PAK5: variants seen among roughly 807,000 people sequenced by gnomAD.
PAK5 encodes p21 (RAC1) activated kinase 5, also known as serine/threonine-protein kinase PAK 5.
PAK5 carries 16 observed loss-of-function variants against 65.9 expected under a neutral mutation model. The observed-to-expected ratio is 0.24, with a 90% CI of 0.16 to 0.37. PAK5 has a LOEUF of 0.37. PAK5 is among the 10% of genes least tolerant of loss of function. The pLI is 1.00. For missense variants in PAK5, 785 were observed against 903.9 expected (o/e 0.87, Z 1.69); for synonymous variants, 371 against 354.9 (o/e 1.05, Z -0.51).
At chr20:9,579,310 A>T (rs544399664) in intron 4 of PAK5, among the ~76,000 whole-genome samples, 1 of 152,314 alleles carries the variant, frequency 6.6e-6, no homozygotes, top group Admixed American at 6.5e-5. Context: ...TAGCAAAAAC[A>T]TTTCTAAATG....
intron 3 of PAK5, among the ~76,000 whole-genome samples, chr20:9,606,282 GC>G (rs1405811241): frequency 6.6e-6 from 1 of 152,124 alleles, no homozygotes; most frequent in African/African-American, 2.4e-5. Context: ...CTCCACCTCT[GC>G]CTTCCCCGAT....
intron 1 of PAK5, among the ~76,000 whole-genome samples, chr20:9,787,788 A>C (rs1430634050): frequency 1.3e-5 from 2 of 152,128 alleles, no homozygotes; most frequent in Admixed American, 1.3e-4. Context: ...TGTTTCCCTC[A>C]TACAGGTGCA....
chr20:9,686,427 C>T (rs1007802128), intron 2 of PAK5, among the ~76,000 whole-genome samples: 1 of 152,126 alleles, frequency 6.6e-6, no homozygotes, highest in Non-Finnish European at 1.5e-5. Context: ...CAGGCTCTTG[C>T]TCTGTCACCC....
At chr20:9,796,576 G>C (rs1191492447) in intron 1 of PAK5, among the ~76,000 whole-genome samples, 4 of 152,116 alleles carry the variant, frequency 2.6e-5, no homozygotes, top group African/African-American at 9.6e-5. Flanking sequence ...AAATTACTAA[G>C]TGAAGGTGAC....
chr20:9,814,392 C>T (rs1187021309), intron 1 of PAK5, among the ~76,000 whole-genome samples: 51 of 151,946 alleles, frequency 3.4e-4, no homozygotes, highest in Admixed American at 3.3e-3. Flanking sequence ...CTGTGTCTAG[C>T]ATGTCTTGAA....
chr20:9,641,748 A>G (rs13041586), intron 3 of PAK5, among the ~76,000 whole-genome samples: 48,235 of 151,748 alleles, frequency 0.32, 7,963 homozygotes, highest in East Asian at 0.47. Flanking sequence ...GAAGGCAGCT[A>G]AGGCCCGGCG....
At chr20:9,692,398 G>A (rs535893181) in intron 2 of PAK5, among the ~76,000 whole-genome samples, 5 of 152,146 alleles carry the variant, frequency 3.3e-5, no homozygotes, top group Non-Finnish European at 7.3e-5. Flanking sequence ...ATTCATCCTC[G>A]CTGCTGTATG....
intron 9 of PAK5, 135 bp downstream of exon 9, chr20:9,542,451 A>G (rs543440055): frequency 3.4e-4 from 293 of 870,810 alleles, no homozygotes; most frequent in Non-Finnish European, 5.3e-4. Context: ...TTCAAACCTA[A>G]GTGACTATTT....
At chr20:9,755,392 A>C (rs533287187) in intron 1 of PAK5, among the ~76,000 whole-genome samples, 2 of 152,320 alleles carry the variant, frequency 1.3e-5, no homozygotes, top group South Asian at 4.1e-4. Flanking sequence ...AGACTTAATT[A>C]ATAGAGAGAT....
intron 1 of PAK5, among the ~76,000 whole-genome samples, chr20:9,757,075 T>C (rs933067435): frequency 1.3e-5 from 2 of 152,044 alleles, no homozygotes; most frequent in Non-Finnish European, 2.9e-5. Context: ...TGGCAACTCA[T>C]TTGAAAACAT....
intron 1 of PAK5, among the ~76,000 whole-genome samples, chr20:9,836,384 T>C (rs221011): frequency 0.94 from 142,620 of 152,248 alleles, 66,912 homozygotes; most frequent in East Asian, 1. Context: ...ATATGAATGA[T>C]GTCCGTATAA....
At position 9,813,327 on chromosome 20, in the gene PAK5, C is replaced by T. The variant is rs559631104; in HGVS notation, c.-162+25435G>A. Among the ~76,000 whole-genome samples the T allele has an allele frequency of 5.9e-5, 9 of 152,144 alleles. No individual in the cohort carries two copies. The East Asian group carries it at 1.5e-3, about 26-fold the overall frequency. Reference sequence around the variant, plus strand: ...ATGTTCATTAGCTTAACCACAGTAACAATTCCATGGGTGTATATTGTAAGA... The same window carrying T: ...ATGTTCATTAGCTTAACCACAGTAATAATTCCATGGGTGTATATTGTAAGA... On this transcript the variant is annotated intron_variant, in intron 1 of 9. Transcript: ENST00000353224.
intron 3 of PAK5, among the ~76,000 whole-genome samples, chr20:9,626,873 CT>C (rs1359706187): frequency 9.2e-5 from 14 of 151,998 alleles, no homozygotes; most frequent in African/African-American, 2.7e-4. Flanking sequence ...GAAATCAAAA[CT>C]GTGTAAATAC....
chr20:9,810,533 A>C (rs1056790507), intron 1 of PAK5, among the ~76,000 whole-genome samples: 1 of 152,172 alleles, frequency 6.6e-6, no homozygotes, highest in Non-Finnish European at 1.5e-5. Context: ...GTGACACAGC[A>C]AGACCCTGTC....
chr20:9,833,976 G>A (rs573375416), intron 1 of PAK5, among the ~76,000 whole-genome samples: 25 of 152,182 alleles, frequency 1.6e-4, no homozygotes, highest in African/African-American at 5.1e-4. Flanking sequence ...GTAAAACACT[G>A]GCATTTTGGG....
At chr20:9,760,133 C>T (rs1337599105) in intron 1 of PAK5, among the ~76,000 whole-genome samples, 1 of 152,152 alleles carries the variant, frequency 6.6e-6, no homozygotes, top group Non-Finnish European at 1.5e-5. Context: ...CAACATGAGA[C>T]ATATTTACTG....
chr20:9,674,637 T>G (rs1003151637), intron 2 of PAK5, among the ~76,000 whole-genome samples: 2 of 152,122 alleles, frequency 1.3e-5, no homozygotes, highest in Non-Finnish European at 2.9e-5. Context: ...TTAAGTTGAG[T>G]ATGCAGAAGC....
chr20:9,766,059 T>C (rs1022642134), intron 1 of PAK5, among the ~76,000 whole-genome samples: 1 of 151,866 alleles, frequency 6.6e-6, no homozygotes, highest in Middle Eastern at 3.4e-3. Flanking sequence ...CCGTTTCTAC[T>C]AAAAATACAA....
chr20:9,749,482 T>C (rs1203086347), intron 1 of PAK5, among the ~76,000 whole-genome samples: 1 of 152,144 alleles, frequency 6.6e-6, no homozygotes, highest in East Asian at 1.9e-4. Flanking sequence ...TACAGAAAAC[T>C]GTTTTGTACA....
Sources: gnomAD v4.1 joint callset for allele counts (sites outside exome capture counted in the v4.1 genomes callset) on GRCh38, gnomAD v4.1.1 for gene constraint, MANE v1.5 for transcripts, NCBI Gene and HGNC (gene_info 2026-07-23, HGNC 2026-07-21) for gene names.